Variants in SH3RF3 observed in about 807,000 individuals in gnomAD.
SH3RF3 encodes the protein SH3 domain containing ring finger 3.
Under a neutral mutation model 66.3 loss-of-function variants are expected in SH3RF3, and 29 were observed. The ratio of observed to expected loss-of-function variants is 0.44; its 90% CI spans 0.33 to 0.60. The LOEUF is 0.60. Among genes scored for constraint, SH3RF3 ranks in the 20% least tolerant of loss-of-function variants. The pLI is 0.04. For synonymous variants in SH3RF3, 583 were observed against 532.0 expected (o/e 1.10, Z -1.32); for missense variants, 1,194 against 1,190.9 (o/e 1.00, Z -0.04).
At chr2:109,326,766 C>T (rs945855540) in intron 1 of SH3RF3, among the ~76,000 whole-genome samples, 1 of 152,194 alleles carries the variant, frequency 6.6e-6, no homozygotes, top group Non-Finnish European at 1.5e-5. Context: ...GTTCTGGATA[C>T]AGTAACTGTT....
At chr2:109,322,056 A>G (rs1038503819) in intron 1 of SH3RF3, among the ~76,000 whole-genome samples, 1 of 152,198 alleles carries the variant, frequency 6.6e-6, no homozygotes, top group Admixed American at 6.5e-5. Context: ...ACTGGAAGGC[A>G]CAGCAAGGAG....
intron 2 of SH3RF3, among the ~76,000 whole-genome samples, chr2:109,364,831 C>T (rs1372341370): frequency 6.6e-6 from 1 of 152,162 alleles, no homozygotes; most frequent in Non-Finnish European, 1.5e-5. Context: ...TGGCTCACCC[C>T]TGTACTCTCA....
At chr2:109,399,020 C>A in intron 4 of SH3RF3, 77 bp downstream of exon 4, 1 of 1,416,464 alleles carries the variant, frequency 7.1e-7, no homozygotes, top group Non-Finnish European at 9.5e-7. Context: ...CAGTGTCCCC[C>A]GTTCCTCAAC....
chr2:109,393,838 T>C (rs1233642361), intron 3 of SH3RF3, among the ~76,000 whole-genome samples: 3 of 151,966 alleles, frequency 2.0e-5, no homozygotes, highest in Non-Finnish European at 2.9e-5. Flanking sequence ...ATGTTACAGC[T>C]GCTGTCCTCC....
At chr2:109,278,799 G>A (rs1680817803) in intron 1 of SH3RF3, among the ~76,000 whole-genome samples, 1 of 152,214 alleles carries the variant, frequency 6.6e-6, no homozygotes, top group African/African-American at 2.4e-5. Flanking sequence ...CCTGTATCTT[G>A]TTTGTGGGTA....
chr2:109,491,072 C>A, intron 9 of SH3RF3, 136 bp downstream of exon 9: 1 of 796,522 alleles, frequency 1.3e-6, no homozygotes, highest in Non-Finnish European at 1.8e-6. Flanking sequence ...CCCAGATCCA[C>A]ATGGTCCCGA....
intron 3 of SH3RF3, among the ~76,000 whole-genome samples, chr2:109,389,300 C>CA (rs953111152): frequency 6.6e-6 from 1 of 152,214 alleles, no homozygotes; most frequent in Admixed American, 6.5e-5. Flanking sequence ...CCTGTGCAAA[C>CA]AGGAGGAAGA....
chr2:109,191,175 G>C (rs960692334), intron 1 of SH3RF3, among the ~76,000 whole-genome samples: 6 of 152,148 alleles, frequency 3.9e-5, no homozygotes, highest in African/African-American at 1.4e-4. Context: ...TATCAACCGG[G>C]TAGGAGGAAG....
chr2:109,496,527 T>G (rs1272929125), intron 9 of SH3RF3, among the ~76,000 whole-genome samples: 1 of 152,222 alleles, frequency 6.6e-6, no homozygotes, highest in Non-Finnish European at 1.5e-5. Flanking sequence ...ATGATAATAG[T>G]AAGTCAGTGA....
At chr2:109,208,097 G>A (rs1436318978) in intron 1 of SH3RF3, among the ~76,000 whole-genome samples, 1 of 149,924 alleles carries the variant, frequency 6.7e-6, no homozygotes, top group African/African-American at 2.5e-5. Flanking sequence ...ACAGTGCTGG[G>A]CCCTCAGACA....
At chr2:109,165,220 G>A (rs985114817) in intron 1 of SH3RF3, among the ~76,000 whole-genome samples, 2 of 152,038 alleles carry the variant, frequency 1.3e-5, no homozygotes, top group African/African-American at 4.8e-5. Flanking sequence ...TGCTAATCCT[G>A]CAAAGAAGTC....
chr2:109,311,491 A>G (rs1292135330), intron 1 of SH3RF3, among the ~76,000 whole-genome samples: 5 of 149,886 alleles, frequency 3.3e-5, no homozygotes, highest in African/African-American at 1.2e-4. Flanking sequence ...AGTTCTGGCC[A>G]GGGCAATTAG....
At position 109,419,591 on chromosome 2, in the gene SH3RF3, C is replaced by T. The variant is rs755217395; in HGVS notation, c.1352C>T (p.Ser451Leu). The T allele has an allele frequency of 1.8e-5, 28 of 1,597,346 alleles. No homozygotes were observed. Among genetic ancestry groups the T allele is most frequent in the South Asian group, 9.1e-5 (8 of 87,936 alleles). The stretch of plus-strand genomic sequence containing the variant: ...CCCACGGCTGTCCCACGGGCTGCCT[C>T]GGTGTCTGGAGAGCAGGGCACGCCT... ...STPTAVPRAASVSGEQGTPPK... is the reference protein window; with the variant it reads ...STPTAVPRAALVSGEQGTPPK... The change falls in exon 5 of 10, where the codon TCG (serine) becomes TTG (leucine). Residue 451 changes from serine (S) to leucine (L), a missense_variant. Ser to Leu is a moderately radical substitution (Grantham distance 145). Coordinates refer to ENST00000309415, the MANE Select transcript of SH3RF3 (RefSeq NM_001099289.3).
At chr2:109,426,044 C>T (rs979071543) in intron 5 of SH3RF3, among the ~76,000 whole-genome samples, 1 of 152,162 alleles carries the variant, frequency 6.6e-6, no homozygotes, top group Admixed American at 6.5e-5. Flanking sequence ...ATTACAGGCG[C>T]ATGCCACCAC....
At chr2:109,328,333 T>C (rs1682203809) in intron 1 of SH3RF3, among the ~76,000 whole-genome samples, 1 of 152,242 alleles carries the variant, frequency 6.6e-6, no homozygotes, top group Non-Finnish European at 1.5e-5. Flanking sequence ...CTTTTCCACC[T>C]ATTTCCTTCA....
At chr2:109,151,923 T>C (rs1378137262) in intron 1 of SH3RF3, among the ~76,000 whole-genome samples, 1 of 152,250 alleles carries the variant, frequency 6.6e-6, no homozygotes, top group African/African-American at 2.4e-5. Context: ...GAAGTTAATA[T>C]AATAACAGCC....
intron 1 of SH3RF3, among the ~76,000 whole-genome samples, chr2:109,320,862 T>C (rs1182719092): frequency 1.3e-5 from 2 of 152,194 alleles, no homozygotes; most frequent in Non-Finnish European, 2.9e-5. Flanking sequence ...CAGACCAAGA[T>C]TCAAATCCCT....
intron 5 of SH3RF3, among the ~76,000 whole-genome samples, chr2:109,430,439 A>G (rs1020390595): frequency 5.3e-5 from 8 of 151,794 alleles, no homozygotes; most frequent in Admixed American, 1.3e-4. Flanking sequence ...GGCTGTGTGG[A>G]AGCCACCCTC....
chr2:109,203,774 C>T (rs1678741722), intron 1 of SH3RF3, among the ~76,000 whole-genome samples: 2 of 152,184 alleles, frequency 1.3e-5, no homozygotes, highest in African/African-American at 4.8e-5. Context: ...TTCACACCCT[C>T]GGTCCATCCA....
Sources: gnomAD v4.1 joint callset for allele counts (sites outside exome capture counted in the v4.1 genomes callset) on GRCh38, gnomAD v4.1.1 for gene constraint, MANE v1.5 for transcripts, NCBI Gene and HGNC (gene_info 2026-07-23, HGNC 2026-07-21) for gene names.